The following GRM8 variants were observed in gnomAD, a reference collection of about 807,000 sequenced individuals.
The protein encoded by GRM8 is glutamate metabotropic receptor 8, also known as metabotropic glutamate receptor 8.
In GRM8, 47 loss-of-function variants were observed where a neutral mutation model predicts 87.2. That is an observed-to-expected ratio of 0.54 (90% confidence interval 0.43 to 0.69). The LOEUF (loss-of-function observed/expected upper bound fraction) is 0.69. GRM8 is among the 30% of genes least tolerant of loss of function. GRM8 has a pLI of 0.00. For synonymous variants in GRM8, 396 were observed against 404.5 expected (o/e 0.98, Z 0.25); for missense variants, 1,019 against 1,139.2 (o/e 0.89, Z 1.52).
At chr7:126,507,493 A>G (rs1810662006) in intron 9 of GRM8, among the ~76,000 whole-genome samples, 1 of 152,104 alleles carries the variant, frequency 6.6e-6, no homozygotes, top group Non-Finnish European at 1.5e-5. Context: ...AATCAATTAG[A>G]GTTTGTTATT....
chr7:126,958,300 C>T (rs951811079), intron 3 of GRM8, among the ~76,000 whole-genome samples: 3 of 152,278 alleles, frequency 2.0e-5, no homozygotes, highest in Middle Eastern at 3.4e-3. Context: ...ACATTGCAGG[C>T]GGTGAGAAGA....
At chr7:127,024,593 C>T (rs1187588572) in intron 3 of GRM8, among the ~76,000 whole-genome samples, 1 of 152,056 alleles carries the variant, frequency 6.6e-6, no homozygotes, top group Non-Finnish European at 1.5e-5. Flanking sequence ...TGACTGAAAC[C>T]CTCCAGAGAC....
chr7:126,665,362 G>A (rs180827993), intron 7 of GRM8, among the ~76,000 whole-genome samples: 76 of 152,204 alleles, frequency 5.0e-4, no homozygotes, highest in Admixed American at 1.4e-3. Context: ...GGTGCCTATC[G>A]ACAATGGACT....
chr7:127,084,804 G>A (rs1823290651), intron 3 of GRM8: 1 of 152,210 alleles, frequency 6.6e-6, no homozygotes, highest in African/African-American at 2.4e-5. Flanking sequence ...TGGAAGGAAA[G>A]ACCACAGGTT....
At chr7:127,222,640 C>G (rs1486605565) in intron 2 of GRM8, among the ~76,000 whole-genome samples, 1 of 152,260 alleles carries the variant, frequency 6.6e-6, no homozygotes, top group East Asian at 1.9e-4. Context: ...AGATTATTGA[C>G]AAAATATCCG....
chr7:126,802,400 G>C (rs1195099935), intron 6 of GRM8, among the ~76,000 whole-genome samples: 1 of 152,094 alleles, frequency 6.6e-6, no homozygotes, highest in Non-Finnish European at 1.5e-5. Context: ...AACTTTTTAA[G>C]ATTCCACATA....
At chr7:126,733,433 T>C (rs1044085709) in intron 7 of GRM8, among the ~76,000 whole-genome samples, 1 of 150,010 alleles carries the variant, frequency 6.7e-6, no homozygotes, top group African/African-American at 2.4e-5. Context: ...TTCTTCCTAA[T>C]TAAAAAAATA....
chr7:127,223,443 GCA>G (rs61674303), intron 2 of GRM8, among the ~76,000 whole-genome samples: 6,734 of 143,698 alleles, frequency 0.047, 198 homozygotes, highest in South Asian at 0.075. Flanking sequence ...ACACACACAC[GCA>G]CACACACACA....
chr7:127,023,744 C>T (rs975023184), intron 3 of GRM8, among the ~76,000 whole-genome samples: 3 of 152,056 alleles, frequency 2.0e-5, no homozygotes, highest in African/African-American at 7.2e-5. Context: ...ACAAAAATTT[C>T]CAATTTCAAA....
At chr7:127,039,001 G>T (rs1213720864) in intron 3 of GRM8, among the ~76,000 whole-genome samples, 2 of 152,190 alleles carry the variant, frequency 1.3e-5, no homozygotes, top group Non-Finnish European at 2.9e-5. Flanking sequence ...CCCCACAGTT[G>T]TCTCTGAGGC....
chr7:126,946,370 T>C (rs1161888100), intron 3 of GRM8, among the ~76,000 whole-genome samples: 1 of 152,132 alleles, frequency 6.6e-6, no homozygotes, highest in Non-Finnish European at 1.5e-5. Context: ...CCCAGTGTGG[T>C]GCCACCTGTG....
At chr7:127,059,511 AT>A (rs1423065714) in intron 3 of GRM8, among the ~76,000 whole-genome samples, 1 of 151,640 alleles carries the variant, frequency 6.6e-6, no homozygotes, top group Non-Finnish European at 1.5e-5. Context: ...TAATTTTTGT[AT>A]TTTTAGTAGA....
At chr7:126,581,979 T>C (rs1469575946) in intron 8 of GRM8, among the ~76,000 whole-genome samples, 1 of 152,136 alleles carries the variant, frequency 6.6e-6, no homozygotes, top group Non-Finnish European at 1.5e-5. Context: ...AACAGTAATA[T>C]TGAAATTAGG....
intron 7 of GRM8, among the ~76,000 whole-genome samples, chr7:126,679,855 C>T (rs541797511): frequency 2.0e-5 from 3 of 152,086 alleles, no homozygotes; most frequent in African/African-American, 7.2e-5. Context: ...CATGGCAAAA[C>T]CCCATCTCTA....
chr7:127,173,186 G>C (rs1483652950), intron 2 of GRM8, among the ~76,000 whole-genome samples: 1 of 152,178 alleles, frequency 6.6e-6, no homozygotes, highest in South Asian at 2.1e-4. Flanking sequence ...AGTAAATTAT[G>C]TAATATGTTA....
At chr7:127,058,555 G>C (rs1317079626) in intron 3 of GRM8, among the ~76,000 whole-genome samples, 3 of 151,952 alleles carry the variant, frequency 2.0e-5, no homozygotes, top group African/African-American at 7.2e-5. Context: ...AAATTAATTT[G>C]TTTCTAATTT....
chr7:126,914,856 C>G (rs1442287896), intron 3 of GRM8, among the ~76,000 whole-genome samples: 1 of 152,166 alleles, frequency 6.6e-6, no homozygotes, highest in Non-Finnish European at 1.5e-5. Flanking sequence ...GAAACCTGAT[C>G]CTCAGCATCA....
chr7:126,610,370 A>C (rs745440837), intron 7 of GRM8, among the ~76,000 whole-genome samples: 1 of 151,660 alleles, frequency 6.6e-6, no homozygotes, highest in Non-Finnish European at 1.5e-5. Flanking sequence ...TTTTATTATT[A>C]TTATTCTTTC....
chr7:127,025,836 A>G (rs940216368), intron 3 of GRM8, among the ~76,000 whole-genome samples: 1 of 151,980 alleles, frequency 6.6e-6, no homozygotes, highest in Non-Finnish European at 1.5e-5. Context: ...TAACAATTAG[A>G]ATCATATCAT....
Sources: gnomAD v4.1 joint callset for allele counts (sites outside exome capture counted in the v4.1 genomes callset) on GRCh38, gnomAD v4.1.1 for gene constraint, MANE v1.5 for transcripts, NCBI Gene and HGNC (gene_info 2026-07-23, HGNC 2026-07-21) for gene names.